The following LRRTM4 variants were observed in gnomAD, a reference collection of about 807,000 sequenced individuals.
LRRTM4 encodes the protein leucine-rich repeat transmembrane neuronal protein 4.
LRRTM4 carries 25 observed loss-of-function variants against 47.6 expected under a neutral mutation model. The observed-to-expected ratio is 0.53, with a 90% confidence interval of 0.38 to 0.73. The LOEUF (loss-of-function observed/expected upper bound fraction) is 0.73, where lower values mean the gene tolerates loss of function less well. Ranked by LOEUF, LRRTM4 falls within the 30% of genes least tolerant of loss-of-function variation. The pLI is 0.00. For synonymous variants in LRRTM4, 311 were observed against 269.5 expected, an observed-to-expected ratio of 1.15 and a Z score of -1.51; for missense variants, 638 against 713.4, an observed-to-expected ratio of 0.89 and a Z score of 1.20.
chr2:76,813,042 TA>T (rs745638501), intron 3 of LRRTM4, among the ~76,000 whole-genome samples: 1 of 151,898 alleles, frequency 6.6e-6, no homozygotes, highest in African/African-American at 2.4e-5. Context: ...TGGGCACCCG[TA>T]ATCCCAGCTA....
At chr2:77,167,122 C>A (rs527513504) in intron 3 of LRRTM4, among the ~76,000 whole-genome samples, 2 of 151,922 alleles carry the variant, frequency 1.3e-5, no homozygotes, top group African/African-American at 4.8e-5. Flanking sequence ...AAAAAACAAC[C>A]CCATCAACAA....
At chr2:77,038,582 C>T (rs1678919833) in intron 3 of LRRTM4, among the ~76,000 whole-genome samples, 1 of 151,300 alleles carries the variant, frequency 6.6e-6, no homozygotes. Flanking sequence ...TATTAGTTTC[C>T]CTAGCACCTG....
intron 3 of LRRTM4, among the ~76,000 whole-genome samples, chr2:76,972,412 C>CTTTTTT (rs397869502): frequency 1.4e-4 from 13 of 95,248 alleles, no homozygotes; most frequent in Non-Finnish European, 1.6e-4. Context: ...TCATTGAACA[C>CTTTTTT]TTTTTTTTTT....
At chr2:77,065,875 CT>C (rs2103812528) in intron 3 of LRRTM4, among the ~76,000 whole-genome samples, 1 of 152,234 alleles carries the variant, frequency 6.6e-6, no homozygotes, top group Non-Finnish European at 1.5e-5. Flanking sequence ...TGATGCTAGC[CT>C]TATGTATCTC....
chr2:76,786,365 A>G (rs1332479609), intron 3 of LRRTM4, among the ~76,000 whole-genome samples: 2 of 152,138 alleles, frequency 1.3e-5, no homozygotes, highest in African/African-American at 2.4e-5. Flanking sequence ...CCCACAAATG[A>G]TGAATAGGCA....
chr2:77,327,448 ATGT>A (rs1305588047), intron 3 of LRRTM4, among the ~76,000 whole-genome samples: 1 of 152,216 alleles, frequency 6.6e-6, no homozygotes, highest in Non-Finnish European at 1.5e-5. Flanking sequence ...CTATTTGGCC[ATGT>A]ATAATAAAGA....
chr2:77,175,551 A>G (rs758509981), intron 3 of LRRTM4, among the ~76,000 whole-genome samples: 7 of 152,148 alleles, frequency 4.6e-5, no homozygotes, highest in Non-Finnish European at 1.0e-4. Context: ...CTCAAGCAGC[A>G]GAGCAAATGC....
At chr2:77,493,434 GT>G (rs1446879482) in intron 3 of LRRTM4, among the ~76,000 whole-genome samples, 1 of 152,010 alleles carries the variant, frequency 6.6e-6, no homozygotes, top group African/African-American at 2.4e-5. Context: ...AGACATCAGT[GT>G]TTAAGAAAGG....
intron 3 of LRRTM4, among the ~76,000 whole-genome samples, chr2:77,211,846 A>G (rs893210388): frequency 6.6e-6 from 1 of 152,058 alleles, no homozygotes; most frequent in South Asian, 2.1e-4. Context: ...AAATTTAATT[A>G]TTACATTATT....
At chr2:77,515,576 T>C (rs551460905) in intron 3 of LRRTM4, among the ~76,000 whole-genome samples, 1 of 151,808 alleles carries the variant, frequency 6.6e-6, no homozygotes, top group Non-Finnish European at 1.5e-5. Context: ...TATGGCTTTA[T>C]TGGGTAGAGT....
At chr2:77,468,185 A>T (rs1276705036) in intron 3 of LRRTM4, among the ~76,000 whole-genome samples, 1 of 152,340 alleles carries the variant, frequency 6.6e-6, no homozygotes, top group Non-Finnish European at 1.5e-5. Context: ...ATAGGAAAAT[A>T]GCAGAGAATG....
intron 3 of LRRTM4, among the ~76,000 whole-genome samples, chr2:77,350,118 C>T (rs573480281): frequency 6.7e-6 from 1 of 148,272 alleles, no homozygotes; most frequent in Admixed American, 6.7e-5. Context: ...GTCAGGAGAT[C>T]GAGACCATCC....
chr2:76,874,324 C>T (rs867585125), intron 3 of LRRTM4, among the ~76,000 whole-genome samples: 2 of 152,084 alleles, frequency 1.3e-5, no homozygotes, highest in South Asian at 2.1e-4. Flanking sequence ...CTCAACACCA[C>T]ATTTAATTTG....
chr2:77,140,856 C>A (rs919305693), intron 3 of LRRTM4, among the ~76,000 whole-genome samples: 4 of 152,100 alleles, frequency 2.6e-5, no homozygotes, highest in African/African-American at 7.2e-5. Flanking sequence ...ATGCAGCCAA[C>A]AGACACATGA....
chr2:77,408,494 C>G (rs534772363), intron 3 of LRRTM4, among the ~76,000 whole-genome samples: 131 of 152,312 alleles, frequency 8.6e-4, no homozygotes, highest in African/African-American at 3.0e-3. Flanking sequence ...TAGAATTTAA[C>G]TCCTTAAGAA....
chr2:76,825,537 A>G (rs1256680627), intron 3 of LRRTM4, among the ~76,000 whole-genome samples: 2 of 151,698 alleles, frequency 1.3e-5, no homozygotes, highest in Non-Finnish European at 3.0e-5. Context: ...TGCGGAAGTG[A>G]GGATATCTGG....
At chr2:76,876,949 T>C (rs1400277737) in intron 3 of LRRTM4, among the ~76,000 whole-genome samples, 1 of 152,100 alleles carries the variant, frequency 6.6e-6, no homozygotes, top group Non-Finnish European at 1.5e-5. Context: ...TTCAAATCTC[T>C]GGTTTTCCAA....
chr2:76,923,935 T>C (rs1282602202), intron 3 of LRRTM4, among the ~76,000 whole-genome samples: 2 of 152,136 alleles, frequency 1.3e-5, no homozygotes, highest in African/African-American at 4.8e-5. Context: ...GCTCTATATA[T>C]GAGGCATCCT....
chr2:77,063,494 A>G (rs1347491769), intron 3 of LRRTM4, among the ~76,000 whole-genome samples: 8 of 152,200 alleles, frequency 5.3e-5, no homozygotes, highest in Admixed American at 1.3e-4. Context: ...AAATACATGA[A>G]GTAGAAAAAT....
Sources: allele counts gnomAD v4.1 joint callset (sites outside exome capture counted in the v4.1 genomes callset), GRCh38; gene constraint gnomAD v4.1.1; transcripts MANE v1.5; gene names NCBI Gene and HGNC (gene_info 2026-07-23, HGNC 2026-07-21).